The following JAKMIP1 variants were observed in gnomAD, a reference collection of about 807,000 sequenced individuals.
JAKMIP1 encodes the protein janus kinase and microtubule-interacting protein 1.
Under a neutral mutation model 113.0 loss-of-function variants are expected in JAKMIP1, and 33 were observed. That is an observed-to-expected ratio of 0.29 (90% confidence interval 0.22 to 0.39). The LOEUF (loss-of-function observed/expected upper bound fraction) is 0.39, where lower values mean the gene tolerates loss of function less well. Among genes scored for constraint, JAKMIP1 ranks in the 10% least tolerant of loss-of-function variants. JAKMIP1 has a pLI of 1.00. For missense variants in JAKMIP1, 813 were observed against 1,080.5 expected (o/e 0.75, Z 3.47); for synonymous variants, 480 against 459.9 (o/e 1.04, Z -0.56).
rs528428206 is a variant in JAKMIP1 at position 6,062,336 on chromosome 4, C to T, written c.1536G>A (p.Thr512=). The T allele has an allele frequency of 8.1e-6, 13 of 1,613,228 alleles. No individual in the cohort carries two copies. In the East Asian group the frequency reaches 8.9e-5, roughly 11 times the overall value. The change falls in exon 10 of 21, where the codon ACG becomes ACA. Residue 512 remains threonine (T), a synonymous_variant. Transcript: ENST00000409021. ...CCCGGGCCTCCCTCTCAGCGTCCAG[C>T]GTGCCTCCCACCTGCTCCTGGAGCA... ...YALLQEQVGG[T]LDAEREARTR...
rs1712355660 is a variant in JAKMIP1, at chr4:6,029,797, T to G, written c.2380-16A>C. 6.3e-7 allele frequency: 1 copy of G among 1,576,976 alleles called. No individual in the cohort carries two copies. Among genetic ancestry groups the G allele is most frequent in the South Asian group, 1.1e-5 (1 of 87,168 alleles). ...CTCGGATTCTCTGAAATACACCAGG[T>G]TACGTGTCAGAAAAAGTAAGTTTTC... On this transcript the variant is annotated splice_polypyrimidine_tract_variant and intron_variant, in intron 19 of 20. Transcript: ENST00000409021.
rs1720555139 is a variant in JAKMIP1 at position 6,081,583 on chromosome 4, C to T, written c.1101+26G>A. ...CCAGACAGAGAAGGGAGTGTCAGGG[C>T]TGTCCCCAAGGGGTCCACAGCTCAC... On this transcript the variant is annotated intron_variant, in intron 6 of 20. Coordinates refer to ENST00000409021, the MANE Select transcript of JAKMIP1 (RefSeq NM_001099433.2). This position sits in a 1 kb window ranked among gnomAD's most constrained non-coding sequence, Gnocchi z 4.6. 6.2e-7 allele frequency: 1 copy of T among 1,613,266 alleles called. No individual in the cohort carries two copies. The highest frequency in any genetic ancestry group is 8.5e-7 in the Non-Finnish European group (1 of 1,179,496).
chr4:6,102,369 G>C (rs929680209), intron 3 of JAKMIP1, among the ~76,000 whole-genome samples: 1 of 152,172 alleles, frequency 6.6e-6, no homozygotes, highest in African/African-American at 2.4e-5. Flanking sequence ...GTCTTTAAGA[G>C]GTGATGAAGT....
chr4:6,078,255 C>G (rs191858070), intron 8 of JAKMIP1, among the ~76,000 whole-genome samples: 1 of 149,748 alleles, frequency 6.7e-6, no homozygotes, highest in East Asian at 2.0e-4. Flanking sequence ...GTGGAGTTTG[C>G]AGTGAGCCGA....
chr4:6,115,786 A>C (rs1715656082), intron 1 of JAKMIP1, among the ~76,000 whole-genome samples: 2 of 152,228 alleles, frequency 1.3e-5, no homozygotes, highest in African/African-American at 4.8e-5. Flanking sequence ...AGCTGAAGAG[A>C]AAGCAAAAGG....
intron 12 of JAKMIP1, among the ~76,000 whole-genome samples, chr4:6,055,090 T>C (rs963380193): frequency 6.6e-6 from 1 of 152,076 alleles, no homozygotes; most frequent in Non-Finnish European, 1.5e-5. Flanking sequence ...AGCAGCAGAT[T>C]GGGGGCTGGG....
intron 19 of JAKMIP1, among the ~76,000 whole-genome samples, chr4:6,032,151 T>C (rs1407676902): frequency 1.3e-5 from 2 of 152,190 alleles, no homozygotes; most frequent in Admixed American, 1.3e-4. Context: ...TCTGCTGTAA[T>C]GTCTGTGTGG....
chr4:6,034,529 C>T (rs1046068687), intron 19 of JAKMIP1, among the ~76,000 whole-genome samples: 1 of 152,132 alleles, frequency 6.6e-6, no homozygotes, highest in Non-Finnish European at 1.5e-5. Context: ...TTGATGGGCA[C>T]GGTGGCTCAC....
rs923092445 is a variant in JAKMIP1 at position 6,183,447 on chromosome 4, C to T, written c.-148+16806G>A. ...TGAGCCAAGATCATGCCATTGCACT[C>T]CAGCCTGGGTGACAGAGCAAGACTC... On this transcript the variant is annotated intron_variant, in intron 1 of 20. Transcript: ENST00000409021. The surrounding 1 kb of genome is among the most constrained non-coding windows in gnomAD (Gnocchi z 5.3). 7.5e-5 allele frequency among the ~76,000 whole-genome samples: 9 copies of T among 119,352 alleles called. No homozygotes were observed. The highest frequency in any genetic ancestry group is 1.5e-4 in the Non-Finnish European group (8 of 53,324). 78.3% of individuals were successfully genotyped at this position (119,352 alleles called of 152,430 possible).
chr4:6,147,666 C>G (rs771302089), intron 1 of JAKMIP1, among the ~76,000 whole-genome samples: 2 of 152,122 alleles, frequency 1.3e-5, no homozygotes, highest in Admixed American at 1.3e-4. Flanking sequence ...CACTCTCCCC[C>G]ACCGGGTCCA....
At position 6,081,193 on chromosome 4, in the gene JAKMIP1, C is replaced by T. The variant is rs1409628158; in HGVS notation, c.1101+416G>A. On this transcript the variant is annotated intron_variant, in intron 6 of 20. Transcript: ENST00000409021. The surrounding 1 kb of genome is among the most constrained non-coding windows in gnomAD (Gnocchi z 4.6). Reference sequence around the variant, plus strand: ...CCAGGCATCCTAGCTGGAGGAGAAACCCCTCTGCAGAGCATCGCCAGCGAT... The same window carrying T: ...CCAGGCATCCTAGCTGGAGGAGAAATCCCTCTGCAGAGCATCGCCAGCGAT... 6.6e-6 allele frequency among the ~76,000 whole-genome samples: 1 copy of T among 152,212 alleles called. No individual in the cohort carries two copies. Among genetic ancestry groups the T allele is most frequent in the Non-Finnish European group, 1.5e-5 (1 of 68,030 alleles).
rs1198447097 is a variant in JAKMIP1 at position 6,089,658 on chromosome 4, A to T, written c.625-4029T>A. On this transcript the variant is annotated intron_variant, in intron 3 of 20. Transcript: ENST00000409021. The surrounding 1 kb of genome is among the most constrained non-coding windows in gnomAD (Gnocchi z 5.3). ...AGCAGTCAAGTCCACCAGGAAATGT[A>T]TCTTAGTGAAAACAAGCCCACTGAC... Among the ~76,000 whole-genome samples, 1 of 152,184 alleles carries T rather than the reference A, an allele frequency of 6.6e-6. No homozygotes were observed. The highest frequency in any genetic ancestry group is 2.4e-5 in the African/African-American group (1 of 41,442).
At chr4:6,095,744 A>G (rs2108851554) in intron 3 of JAKMIP1, among the ~76,000 whole-genome samples, 1 of 152,242 alleles carries the variant, frequency 6.6e-6, no homozygotes, top group Non-Finnish European at 1.5e-5. Flanking sequence ...TAGCACACTA[A>G]AGGGCAGGAG....
chr4:6,127,545 T>C (rs1212007588), intron 1 of JAKMIP1, among the ~76,000 whole-genome samples: 4 of 152,150 alleles, frequency 2.6e-5, no homozygotes, highest in Non-Finnish European at 5.9e-5. Context: ...CACTGGCACG[T>C]TGGTGAGGCC....
chr4:6,046,688 C>T (rs541452583), intron 16 of JAKMIP1, among the ~76,000 whole-genome samples: 58 of 152,196 alleles, frequency 3.8e-4, no homozygotes, highest in Non-Finnish European at 7.6e-4. Flanking sequence ...ACAGGTTCCA[C>T]CTCCTCAGCT....
intron 1 of JAKMIP1, among the ~76,000 whole-genome samples, chr4:6,163,851 A>C (rs1476754849): frequency 6.6e-6 from 1 of 152,234 alleles, no homozygotes; most frequent in Non-Finnish European, 1.5e-5. Context: ...ACACTCCCTT[A>C]AGCCAAAGCC....
At chr4:6,123,737 T>C (rs1429022389) in intron 1 of JAKMIP1, among the ~76,000 whole-genome samples, 1 of 152,080 alleles carries the variant, frequency 6.6e-6, no homozygotes, top group Admixed American at 6.5e-5. Context: ...GGGAGGAGCA[T>C]GTGAGCCTAG....
At position 6,162,308 on chromosome 4, in the gene JAKMIP1, A is replaced by G. The variant is rs1723069282; in HGVS notation, c.-148+37945T>C. Among the ~76,000 whole-genome samples the G allele has an allele frequency of 6.6e-6, 1 of 152,166 alleles. No individual in the cohort carries two copies. The highest frequency in any genetic ancestry group is 2.4e-5 in the African/African-American group (1 of 41,442). The stretch of plus-strand genomic sequence containing the variant: ...CAGCAGAGGAGAGACTCACCAGGAC[A>G]CTGCACTGCAGCCGAGCTTGCATCT... On this transcript the variant is annotated intron_variant, in intron 1 of 20. Coordinates refer to ENST00000409021, the MANE Select transcript of JAKMIP1 (RefSeq NM_001099433.2). The surrounding 1 kb of genome is among the most constrained non-coding windows in gnomAD (Gnocchi z 5.6).
chr4:6,091,623 G>A (rs1722077444), intron 3 of JAKMIP1, among the ~76,000 whole-genome samples: 1 of 152,178 alleles, frequency 6.6e-6, no homozygotes. Flanking sequence ...CTCTCCAAAG[G>A]CTTCTCTTCC....
Sources: gnomAD v4.1 joint callset for allele counts (sites outside exome capture counted in the v4.1 genomes callset) on GRCh38, gnomAD v4.1.1 for gene constraint, Gnocchi (gnomAD v3.1) non-coding constraint, MANE v1.5 for transcripts, NCBI Gene and HGNC (gene_info 2026-07-23, HGNC 2026-07-21) for gene names.